The following ZNF415 variants were observed in gnomAD, a reference collection of about 807,000 sequenced individuals.
The protein encoded by ZNF415 is zinc finger protein 415.
A neutral mutation model predicts 7.3 loss-of-function variants in ZNF415; 5 were observed. The observed-to-expected ratio is 0.69, with a 90% confidence interval of 0.36 to 1.44. The LOEUF (loss-of-function observed/expected upper bound fraction) is 1.44, where lower values mean the gene tolerates loss of function less well. Ranked by LOEUF, ZNF415 falls within the 40% of genes most tolerant of loss-of-function variation. The probability of loss-of-function intolerance (pLI) is 0.04; values close to 1 mark genes in which losing one functional copy is unlikely to be tolerated. For missense variants in ZNF415, 628 were observed against 664.8 expected, an observed-to-expected ratio of 0.94 and a Z score of 0.61; for synonymous variants, 207 against 226.3, an observed-to-expected ratio of 0.91 and a Z score of 0.77.
intron 2 of ZNF415, among the ~76,000 whole-genome samples, chr19:53,117,080 CAA>C (rs2146367677): frequency 6.6e-6 from 1 of 152,208 alleles, no homozygotes; most frequent in African/African-American, 2.4e-5. Flanking sequence ...CATAGATTCT[CAA>C]AGAGATACAA....
intron 1 of ZNF415, among the ~76,000 whole-genome samples, chr19:53,127,917 G>A (rs900336527): frequency 6.6e-6 from 1 of 151,466 alleles, no homozygotes; most frequent in Non-Finnish European, 1.5e-5. Flanking sequence ...AGATACTAGG[G>A]CTTTCCAAAC....
chr19:53,126,018 CA>C (rs58522981), intron 1 of ZNF415, among the ~76,000 whole-genome samples: 51,177 of 111,230 alleles, frequency 0.46, 9,589 homozygotes, highest in East Asian at 0.59. Context: ...CTGGTGTAGA[CA>C]AAAAAAAAAA....
At chr19:53,114,105 G>A (rs532672984) in intron 3 of ZNF415, among the ~76,000 whole-genome samples, 19 of 152,188 alleles carry the variant, frequency 1.2e-4, no homozygotes, top group Non-Finnish European at 2.5e-4. Context: ...GAGAAGGTAT[G>A]CATAACCTAT....
chr19:53,108,772 A>G lies in ZNF415; in HGVS notation c.1273T>C (p.Ser425Pro). The G allele has an allele frequency of 6.2e-7, 1 of 1,613,412 alleles. No individual in the cohort carries two copies. The highest frequency in any genetic ancestry group is 8.5e-7 in the Non-Finnish European group (1 of 1,179,422). ...NECGKVFSYN[S>P]HLASHRRVHT... is the part of the protein sequence containing the mutation. ...ACTCTCCGATGACTCGCAAGGTGTG[A>G]ATTGTAACTGAAAACCTTACCACAT... The change falls in exon 4 of 4, where the codon TCA becomes CCA. Residue 425 changes from serine (S) to proline (P), a missense_variant. By Grantham distance (74) the Ser-to-Pro change is moderately conservative. Coordinates refer to ENST00000243643, the MANE Select transcript of ZNF415 (RefSeq NM_018355.4).
At chr19:53,129,800 C>A in intron 1 of ZNF415, 1 of 390,528 alleles carries the variant, frequency 2.6e-6, no homozygotes, top group Non-Finnish European at 4.5e-6. Context: ...CATGTTGGCT[C>A]GTGCCTGTAA....
chr19:53,119,748 A>C (rs1302784131), intron 2 of ZNF415, among the ~76,000 whole-genome samples: 1 of 152,054 alleles, frequency 6.6e-6, no homozygotes, highest in Non-Finnish European at 1.5e-5. Flanking sequence ...CAGAAATATA[A>C]AAGATCATCA....
chr19:53,125,580 C>G (rs1278959482), intron 1 of ZNF415, among the ~76,000 whole-genome samples: 2 of 152,042 alleles, frequency 1.3e-5, no homozygotes, highest in Admixed American at 1.3e-4. Context: ...AGTGAGCGTC[C>G]TGTCTCAGCC....
intron 3 of ZNF415, among the ~76,000 whole-genome samples, chr19:53,110,557 T>C (rs1389782319): frequency 6.6e-6 from 1 of 151,986 alleles, no homozygotes; most frequent in Non-Finnish European, 1.5e-5. Context: ...TGCATGAAAC[T>C]TACTAAAAAC....
chr19:53,108,195 C>A lies in ZNF415; in HGVS notation c.*182G>T. 1 of 627,644 alleles carries A rather than the reference C, an allele frequency of 1.6e-6. No individual in the cohort carries two copies. Among genetic ancestry groups the A allele is most frequent in the East Asian group, 2.8e-5 (1 of 35,620 alleles). The allele number at this position is 627,644 out of a possible 1,614,324, so 38.9% of individuals were successfully genotyped here. ...ACTCTGATGTCAATGAATGCTTGAA[C>A]TTGTGATGAAGGGTTTGCTGTACTC... On this transcript the variant is annotated 3_prime_UTR_variant, in exon 4 of 4. Coordinates refer to ENST00000243643, the MANE Select transcript of ZNF415 (RefSeq NM_018355.4).
chr19:53,122,859 G>A (rs2303689), intron 1 of ZNF415, 116 bp from the exon 2 acceptor site: 176,959 of 716,940 alleles, frequency 0.25, 24,214 homozygotes, highest in East Asian at 0.38. Context: ...GTCCTCTGCC[G>A]CCCACTACAC....
intron 3 of ZNF415, among the ~76,000 whole-genome samples, chr19:53,114,732 A>T (rs1225415865): frequency 6.6e-6 from 1 of 152,180 alleles, no homozygotes; most frequent in Non-Finnish European, 1.5e-5. Context: ...CTGTTCTTAC[A>T]GTTCTGCAGA....
chr19:53,116,610 TC>T (rs1403276969), intron 2 of ZNF415, among the ~76,000 whole-genome samples, 177 bp from the exon 3 acceptor site: 10 of 77,460 alleles, frequency 1.3e-4, no homozygotes, highest in African/African-American at 5.4e-4. Context: ...GTTTTTTTTC[TC>T]TCTTTTTTTT....
At chr19:53,132,373 CG>C (rs2090193125) in intron 1 of ZNF415, among the ~76,000 whole-genome samples, 1 of 152,070 alleles carries the variant, frequency 6.6e-6, no homozygotes, top group South Asian at 2.1e-4. Context: ...ACCTCCCCAG[CG>C]CGGGCTCAGG....
intron 2 of ZNF415, among the ~76,000 whole-genome samples, chr19:53,120,322 CT>C (rs1415633341): frequency 6.6e-6 from 1 of 152,118 alleles, no homozygotes; most frequent in Non-Finnish European, 1.5e-5. Context: ...GCAAGCTATC[CT>C]TGTTCCTTAA....
rs546556386 is a variant in ZNF415, at chr19:53,113,919, T to C, written c.136+2394A>G. Among the ~76,000 whole-genome samples the C allele has an allele frequency of 5.3e-5, 8 of 152,346 alleles. No homozygotes were observed. In the East Asian group the frequency reaches 1.3e-3, roughly 26 times the overall value. On this transcript the variant is annotated intron_variant, in intron 3 of 3. Coordinates refer to ENST00000243643, the MANE Select transcript of ZNF415 (RefSeq NM_018355.4). ...AAACTAGAAGGACATCTGGACACAC[T>C]TGTCAGTCAGGCTCGCCTGATATTT...
rs117936551 is a variant in ZNF415, at chr19:53,123,198, A to C, written c.-67-455T>G. 3.5e-4 allele frequency among the ~76,000 whole-genome samples: 54 copies of C among 152,248 alleles called. No homozygotes were observed. In the East Asian group the frequency reaches 9.9e-3, roughly 28 times the overall value. On this transcript the variant is annotated intron_variant, in intron 1 of 3. Coordinates refer to ENST00000243643, the MANE Select transcript of ZNF415 (RefSeq NM_018355.4). ...ATCTCTGGGACAGGGATGGGGGCAC[A>C]AGAGGTATATCTGCAAAGTACCCCA... is the stretch of plus-strand genomic sequence containing the variant.
At chr19:53,124,253 G>A (rs1163581914) in intron 1 of ZNF415, 4 of 149,260 alleles carry the variant, frequency 2.7e-5, no homozygotes, top group African/African-American at 9.8e-5. Context: ...AAAAAAAAGA[G>A]GTTTATTTGG....
At chr19:53,132,444 C>T (rs1568622471) in intron 1 of ZNF415, among the ~76,000 whole-genome samples, 2 of 152,194 alleles carry the variant, frequency 1.3e-5, no homozygotes, top group South Asian at 4.1e-4. Flanking sequence ...CGCGACAGCG[C>T]CTTCAGACAG....
chr19:53,119,681 AAAG>A (rs1487498660), intron 2 of ZNF415, among the ~76,000 whole-genome samples: 3 of 152,078 alleles, frequency 2.0e-5, no homozygotes, highest in Admixed American at 2.0e-4. Flanking sequence ...GATTAATCAA[AAAG>A]AAGACCCAAT....
Sources: allele counts gnomAD v4.1 joint callset (sites outside exome capture counted in the v4.1 genomes callset), GRCh38; gene constraint gnomAD v4.1.1; transcripts MANE v1.5; gene names NCBI Gene and HGNC (gene_info 2026-07-23, HGNC 2026-07-21).